Variants in NFATC3 observed in about 807,000 individuals in gnomAD.
NFATC3 encodes the protein nuclear factor of activated T-cells, cytoplasmic 3.
NFATC3 carries 46 observed loss-of-function variants against 98.6 expected under a neutral mutation model. The ratio of observed to expected loss-of-function variants is 0.47; its 90% confidence interval spans 0.37 to 0.60. The LOEUF (loss-of-function observed/expected upper bound fraction) is 0.60, where lower values mean the gene tolerates loss of function less well. Among genes scored for constraint, NFATC3 ranks in the 20% least tolerant of loss-of-function variants. The probability of loss-of-function intolerance (pLI) is 0.00; values close to 1 mark genes in which losing one functional copy is unlikely to be tolerated. For synonymous variants in NFATC3, 512 were observed against 472.2 expected, an observed-to-expected ratio of 1.08 and a Z score of -1.09; for missense variants, 1,256 against 1,295.5, an observed-to-expected ratio of 0.97 and a Z score of 0.47.
chr16:68,165,391 T>C (rs1186437595), intron 4 of NFATC3, among the ~76,000 whole-genome samples: 2 of 149,718 alleles, frequency 1.3e-5, no homozygotes, highest in African/African-American at 2.4e-5. Flanking sequence ...TTTTTCTTTT[T>C]CTTTTTTTTT....
intron 1 of NFATC3, among the ~76,000 whole-genome samples, chr16:68,093,135 T>G (rs60333377): frequency 0.013 from 2,001 of 152,338 alleles, 44 homozygotes; most frequent in African/African-American, 0.045. Context: ...TTTATTCATC[T>G]CTTTTCAGTC....
chr16:68,148,203 A>G (rs2038136024), intron 3 of NFATC3, among the ~76,000 whole-genome samples: 1 of 151,870 alleles, frequency 6.6e-6, no homozygotes, highest in Non-Finnish European at 1.5e-5. Flanking sequence ...TTTAGTAGAG[A>G]TGGGGTTTCT....
At chr16:68,183,402 C>A in intron 8 of NFATC3, 36 bp downstream of exon 8, 1 of 1,600,684 alleles carries the variant, frequency 6.2e-7, no homozygotes, top group South Asian at 1.1e-5. Context: ...ATAGAGCTTT[C>A]TTTCCTAATG....
At chr16:68,134,849 C>G (rs1419040037) in intron 3 of NFATC3, among the ~76,000 whole-genome samples, 1 of 152,044 alleles carries the variant, frequency 6.6e-6, no homozygotes, top group Non-Finnish European at 1.5e-5. Flanking sequence ...GACTTGTTTT[C>G]TATTTTAAGA....
intron 9 of NFATC3, among the ~76,000 whole-genome samples, chr16:68,199,463 A>G (rs930765001): frequency 2.0e-5 from 3 of 148,630 alleles, no homozygotes; most frequent in African/African-American, 7.5e-5. Context: ...TGACCTCATG[A>G]TCCGCCCACC....
chr16:68,163,058 T>C (rs2038972859), intron 4 of NFATC3, among the ~76,000 whole-genome samples: 1 of 152,098 alleles, frequency 6.6e-6, no homozygotes, highest in Admixed American at 6.6e-5. Flanking sequence ...GAGCACAGGG[T>C]TGGGGGTAAG....
At chr16:68,124,635 G>C (rs1014648687) in intron 2 of NFATC3, among the ~76,000 whole-genome samples, 1 of 151,572 alleles carries the variant, frequency 6.6e-6, no homozygotes, top group Non-Finnish European at 1.5e-5. Context: ...GGGTTTCACC[G>C]TGTTAGCCAG....
At chr16:68,085,848 C>G (rs943595629) in intron 1 of NFATC3, 64 bp downstream of exon 1, 1 of 1,241,572 alleles carries the variant, frequency 8.1e-7, no homozygotes, top group Non-Finnish European at 1.1e-6. Flanking sequence ...ATCTCTCGCT[C>G]CCTCCCTGTT....
At chr16:68,102,743 T>C (rs919016217) in intron 1 of NFATC3, among the ~76,000 whole-genome samples, 1 of 152,220 alleles carries the variant, frequency 6.6e-6, no homozygotes, top group Non-Finnish European at 1.5e-5. Flanking sequence ...ATGGTAATTC[T>C]CTATGTAAAT....
At chr16:68,212,150 G>C (rs1262838957) in intron 9 of NFATC3, among the ~76,000 whole-genome samples, 2 of 152,160 alleles carry the variant, frequency 1.3e-5, no homozygotes, top group Non-Finnish European at 2.9e-5. Flanking sequence ...GATATTTTCA[G>C]TATTTAAAAT....
chr16:68,186,408 C>T (rs1317386462), intron 8 of NFATC3, among the ~76,000 whole-genome samples: 2 of 152,126 alleles, frequency 1.3e-5, no homozygotes, highest in East Asian at 1.9e-4. Context: ...GGCGTGGTGT[C>T]GTGAGCCTGT....
intron 8 of NFATC3, among the ~76,000 whole-genome samples, chr16:68,184,004 C>CAAAAAAAAAA (rs34341175): frequency 1.6e-5 from 1 of 62,256 alleles, no homozygotes; most frequent in Non-Finnish European, 3.2e-5. Context: ...AACTCCGTCA[C>CAAAAAAAAAA]AAAAAAAAAA....
At chr16:68,133,483 C>G in intron 3 of NFATC3, among the ~76,000 whole-genome samples, 1 of 152,024 alleles carries the variant, frequency 6.6e-6, no homozygotes, top group Admixed American at 6.6e-5. Context: ...TTAAGTTGTA[C>G]AACGCAATGA....
chr16:68,085,633 T>TGCCGCCGCCGCC lies in NFATC3; in HGVS notation c.-45_-34dup. 1 of 1,449,284 alleles carries TGCCGCCGCCGCC rather than the reference T, an allele frequency of 6.9e-7. No individual in the cohort carries two copies. Among genetic ancestry groups the TGCCGCCGCCGCC allele is most frequent in the East Asian group, 3.0e-5 (1 of 33,162 alleles). The allele number at this position is 1,449,284 out of a possible 1,614,324, so 89.8% of individuals were successfully genotyped here. A position where few individuals can be genotyped will look rare whatever the true frequency, so the allele number is the denominator to read the frequency against. ...AGGAGCTGCTGCCGCCGCTTGCCGC[T>TGCCGCCGCCGCC]GCCGCCGCCGCCGCCTGAGGAGGAG... On this transcript the variant is annotated 5_prime_UTR_variant, in exon 1 of 10. Transcript: ENST00000346183.
At chr16:68,103,996 G>A (rs1255361947) in intron 1 of NFATC3, among the ~76,000 whole-genome samples, 2 of 152,062 alleles carry the variant, frequency 1.3e-5, no homozygotes. Flanking sequence ...CTTTTTCAGT[G>A]TTATTTTGGC....
chr16:68,098,416 C>T (rs2035158200), intron 1 of NFATC3, among the ~76,000 whole-genome samples: 3 of 150,912 alleles, frequency 2.0e-5, no homozygotes, highest in Admixed American at 1.3e-4. Context: ...GTTCTCCTGC[C>T]TCAGCCTCCC....
intron 9 of NFATC3, among the ~76,000 whole-genome samples, chr16:68,196,756 G>A (rs551047823): frequency 1.3e-5 from 2 of 152,080 alleles, no homozygotes; most frequent in Admixed American, 1.3e-4. Flanking sequence ...AAATGGCTGG[G>A]CGCAGTGGCT....
intron 9 of NFATC3, among the ~76,000 whole-genome samples, chr16:68,211,138 T>G (rs762902301): frequency 6.6e-6 from 1 of 152,046 alleles, no homozygotes; most frequent in Non-Finnish European, 1.5e-5. Context: ...AGTTAGGAAG[T>G]GTTTCCTTTT....
intron 6 of NFATC3, among the ~76,000 whole-genome samples, chr16:68,175,695 G>A (rs1427360872): frequency 1.3e-5 from 2 of 151,726 alleles, no homozygotes; most frequent in Non-Finnish European, 2.9e-5. Flanking sequence ...GAGTAGCTGG[G>A]ATTACCGGCA....
Sources: allele counts gnomAD v4.1 joint callset (sites outside exome capture counted in the v4.1 genomes callset), GRCh38; gene constraint gnomAD v4.1.1; transcripts MANE v1.5; gene names NCBI Gene and HGNC (gene_info 2026-07-23, HGNC 2026-07-21).